RAB38: variants seen among roughly 807,000 people sequenced by gnomAD.
The protein encoded by RAB38 is ras-related protein Rab-38.
Under a neutral mutation model 18.4 loss-of-function variants are expected in RAB38, and 15 were observed. The ratio of observed to expected loss-of-function variants is 0.82; its 90% CI spans 0.55 to 1.26. RAB38 has a LOEUF of 1.26. Among genes scored for constraint, RAB38 ranks in the 50% most tolerant of loss-of-function variants. RAB38 has a pLI of 0.00. For missense variants in RAB38, 294 were observed against 267.4 expected (o/e 1.10, Z -0.69); for synonymous variants, 101 against 104.4 (o/e 0.97, Z 0.20).
At chr11:87,934,413 A>C in the RAB38 span, among the ~76,000 whole-genome samples, 7 of 152,170 alleles carry the variant, frequency 4.6e-5, no homozygotes, top group Non-Finnish European at 8.8e-5. Context: ...AAAGACAAAT[A>C]AATGAATTAT....
chr11:87,817,934 C>T, the RAB38 span, among the ~76,000 whole-genome samples: 7 of 152,104 alleles, frequency 4.6e-5, no homozygotes, highest in African/African-American at 7.2e-5. Flanking sequence ...AACATCCATT[C>T]GAAGTGTGAG....
the RAB38 span, among the ~76,000 whole-genome samples, chr11:88,096,097 TC>T: frequency 1.1e-5 from 1 of 87,812 alleles, no homozygotes; most frequent in African/African-American, 8.0e-5. Context: ...ATTCCACTCC[TC>T]TTCTCAGTAT....
chr11:87,868,295 C>G, the RAB38 span, among the ~76,000 whole-genome samples: 12 of 151,602 alleles, frequency 7.9e-5, no homozygotes, highest in Non-Finnish European at 1.6e-4. Context: ...CTTTCTCTTG[C>G]TTCCTCTCTC....
At chr11:88,172,973 T>G (rs1591181988) in intron 1 of RAB38, among the ~76,000 whole-genome samples, 1 of 152,220 alleles carries the variant, frequency 6.6e-6, no homozygotes, top group South Asian at 2.1e-4. Context: ...ACCACCGCAG[T>G]ATCTGTAGAA....
the RAB38 span, among the ~76,000 whole-genome samples, chr11:87,952,774 ACTTTTTGT>A: frequency 6.6e-6 from 1 of 152,310 alleles, no homozygotes; most frequent in South Asian, 2.1e-4. Context: ...GACTTCCAGG[ACTTTTTGT>A]CTTTTACATG....
At chr11:88,050,633 T>C in the RAB38 span, among the ~76,000 whole-genome samples, 9 of 152,248 alleles carry the variant, frequency 5.9e-5, no homozygotes, top group Admixed American at 5.9e-4. Context: ...TTTTGAAATA[T>C]GTATTGCTTT....
At chr11:87,889,780 C>CTGTT in the RAB38 span, among the ~76,000 whole-genome samples, 10,791 of 151,574 alleles carry the variant, frequency 0.071, 578 homozygotes, top group African/African-American at 0.15. Context: ...ATGACACTTA[C>CTGTT]TGTTCTATAT....
the RAB38 span, among the ~76,000 whole-genome samples, chr11:88,083,619 G>A: frequency 1.3e-5 from 2 of 151,850 alleles, no homozygotes; most frequent in Non-Finnish European, 2.9e-5. Context: ...CTTCATTTTG[G>A]TAGCATTAAG....
chr11:88,010,354 A>G, the RAB38 span, among the ~76,000 whole-genome samples: 1 of 152,216 alleles, frequency 6.6e-6, no homozygotes. Flanking sequence ...CAAATAACAA[A>G]TGTAATCAAG....
chr11:87,963,319 AT>A, the RAB38 span, among the ~76,000 whole-genome samples: 1 of 152,116 alleles, frequency 6.6e-6, no homozygotes, highest in African/African-American at 2.4e-5. Context: ...TCCTAACCTT[AT>A]GTCTTGGTAC....
chr11:88,153,732 T>C (rs1379916090), intron 1 of RAB38, among the ~76,000 whole-genome samples: 1 of 152,228 alleles, frequency 6.6e-6, no homozygotes, highest in African/African-American at 2.4e-5. Flanking sequence ...TATTGTGTTG[T>C]TTTTGTGCAG....
At chr11:87,965,143 C>T in the RAB38 span, among the ~76,000 whole-genome samples, 2 of 152,284 alleles carry the variant, frequency 1.3e-5, no homozygotes, top group African/African-American at 2.4e-5. Context: ...CATCCAATGT[C>T]CCCTAGAAGG....
chr11:87,929,349 T>C, the RAB38 span, among the ~76,000 whole-genome samples: 1 of 151,958 alleles, frequency 6.6e-6, no homozygotes, highest in Non-Finnish European at 1.5e-5. Flanking sequence ...TATGTTTATC[T>C]CATTCCTTTT....
the RAB38 span, among the ~76,000 whole-genome samples, chr11:87,937,351 T>TATATAA: frequency 7.1e-5 from 8 of 112,108 alleles, no homozygotes; most frequent in African/African-American, 2.0e-4. Flanking sequence ...TATATATATA[T>TATATAA]CATAATTCTA....
chr11:88,049,493 A>C, the RAB38 span, among the ~76,000 whole-genome samples: 2 of 138,654 alleles, frequency 1.4e-5, no homozygotes, highest in Admixed American at 7.7e-5. Flanking sequence ...TTACCTACCC[A>C]AATCTTATAA....
chr11:87,948,309 G>A, the RAB38 span, among the ~76,000 whole-genome samples: 1 of 152,176 alleles, frequency 6.6e-6, no homozygotes, highest in Non-Finnish European at 1.5e-5. Context: ...AGACAATGGG[G>A]TTTTCTAGAT....
At chr11:87,819,340 G>A in the RAB38 span, among the ~76,000 whole-genome samples, 1 of 152,290 alleles carries the variant, frequency 6.6e-6, no homozygotes, top group South Asian at 2.1e-4. Flanking sequence ...CAGCACTGCA[G>A]ATGTAGTGCT....
the RAB38 span, among the ~76,000 whole-genome samples, chr11:87,839,168 G>T: frequency 3.3e-5 from 5 of 152,158 alleles, no homozygotes; most frequent in Admixed American, 3.3e-4. Context: ...TAAACTCCTA[G>T]TGCTTTTATT....
chr11:87,874,489 G>T, the RAB38 span, among the ~76,000 whole-genome samples: 1 of 151,292 alleles, frequency 6.6e-6, no homozygotes, highest in Non-Finnish European at 1.5e-5. Context: ...TCACACACCG[G>T]GGCCTGTTGT....
Sources: gnomAD v4.1 joint callset for allele counts (sites outside exome capture counted in the v4.1 genomes callset) on GRCh38, gnomAD v4.1.1 for gene constraint, MANE v1.5 for transcripts, NCBI Gene and HGNC (gene_info 2026-07-23, HGNC 2026-07-21) for gene names.